DIP2C: variants seen among roughly 807,000 people sequenced by gnomAD.
DIP2C encodes DIP2 acetate--CoA ligase C (putative).
DIP2C carries 33 observed loss-of-function variants against 192.4 expected under a neutral mutation model. That is an observed-to-expected ratio of 0.17 (90% CI 0.13 to 0.23). The LOEUF (loss-of-function observed/expected upper bound fraction) is 0.23, where lower values mean the gene tolerates loss of function less well. DIP2C is among the 10% of genes least tolerant of loss of function. The probability of loss-of-function intolerance (pLI) is 1.00; values close to 1 mark genes in which losing one functional copy is unlikely to be tolerated. For synonymous variants in DIP2C, 979 were observed against 864.1 expected (o/e 1.13, Z -2.33); for missense variants, 1,537 against 2,110.1 (o/e 0.73, Z 5.32).
chr10:620,280 C>T (rs541444051), intron 1 of DIP2C, among the ~76,000 whole-genome samples: 10 of 152,286 alleles, frequency 6.6e-5, no homozygotes, highest in South Asian at 6.2e-4. Flanking sequence ...CTTCAAGCTA[C>T]AACTATCAAT....
At chr10:430,731 TAA>T (rs1384527456) in intron 4 of DIP2C, among the ~76,000 whole-genome samples, 1 of 152,250 alleles carries the variant, frequency 6.6e-6, no homozygotes, top group Non-Finnish European at 1.5e-5. Context: ...GTGTCATATC[TAA>T]AAACTTATCA....
intron 6 of DIP2C, among the ~76,000 whole-genome samples, chr10:416,670 G>C (rs1339925121): frequency 2.0e-5 from 3 of 152,160 alleles, no homozygotes; most frequent in African/African-American, 4.8e-5. Flanking sequence ...CAACTGGTTT[G>C]ATCAATGAAA....
At position 584,951 on chromosome 10, in the gene DIP2C, C is replaced by T. The variant is rs577878733; in HGVS notation, c.86-98421G>A. ...ACTCACGCGCATCACCTCTCAATCT[C>T]GGGGCCCGCGACCTGACCCCCACTC... On this transcript the variant is annotated intron_variant, in intron 1 of 36. Coordinates refer to ENST00000280886, the MANE Select transcript of DIP2C (RefSeq NM_014974.3). 4.6e-5 allele frequency among the ~76,000 whole-genome samples: 6 copies of T among 129,408 alleles called. No homozygotes were observed. The East Asian group carries it at 1.1e-3, about 23-fold the overall frequency. 84.9% of individuals were successfully genotyped at this position (129,408 alleles called of 152,430 possible).
chr10:435,517 G>C (rs973080494), intron 4 of DIP2C, among the ~76,000 whole-genome samples: 1 of 152,206 alleles, frequency 6.6e-6, no homozygotes, highest in African/African-American at 2.4e-5. Flanking sequence ...GTCAATTCCA[G>C]TTCAGGTTTT....
At chr10:533,911 ATT>A (rs1847553587) in intron 1 of DIP2C, among the ~76,000 whole-genome samples, 1 of 152,052 alleles carries the variant, frequency 6.6e-6, no homozygotes. Context: ...TACAGGAAGC[ATT>A]CTCTCCTGCA....
At chr10:286,421 C>A in intron 33 of DIP2C, 74 bp from the exon 34 acceptor site, 1 of 1,349,634 alleles carries the variant, frequency 7.4e-7, no homozygotes, top group Non-Finnish European at 1.1e-6. Flanking sequence ...CAACCTCAAT[C>A]TCATCTTTAT....
At chr10:476,841 A>G (rs1287186296) in intron 2 of DIP2C, among the ~76,000 whole-genome samples, 1 of 152,252 alleles carries the variant, frequency 6.6e-6, no homozygotes, top group African/African-American at 2.4e-5. Context: ...TTCAGATCCA[A>G]GAATGAATCT....
At chr10:647,616 G>A (rs1464012906) in intron 1 of DIP2C, among the ~76,000 whole-genome samples, 6 of 96,280 alleles carry the variant, frequency 6.2e-5, no homozygotes, top group African/African-American at 2.1e-4. Flanking sequence ...AGTCCACGTC[G>A]ACATTGGATG....
At chr10:554,962 G>A (rs551359242) in intron 1 of DIP2C, among the ~76,000 whole-genome samples, 2 of 152,252 alleles carry the variant, frequency 1.3e-5, no homozygotes, top group East Asian at 3.9e-4. Context: ...CAGAGTCTGG[G>A]CTTCACTTTT....
At chr10:506,415 C>T (rs11252842) in intron 1 of DIP2C, among the ~76,000 whole-genome samples, 15,543 of 152,178 alleles carry the variant, frequency 0.1, 911 homozygotes, top group East Asian at 0.18. Context: ...TGGGAAATCT[C>T]AGTGTGTGTA....
chr10:406,467 T>C (rs151298165), intron 9 of DIP2C, among the ~76,000 whole-genome samples: 3 of 152,342 alleles, frequency 2.0e-5, no homozygotes, highest in African/African-American at 7.2e-5. Context: ...AGGGATGTCA[T>C]GAAACCACTC....
intron 25 of DIP2C, among the ~76,000 whole-genome samples, chr10:348,967 C>T (rs1958655583): frequency 2.0e-5 from 3 of 152,196 alleles, no homozygotes; most frequent in Non-Finnish European, 2.9e-5. Context: ...GGTGACGAGG[C>T]AGCCTGGAGG....
intron 23 of DIP2C, among the ~76,000 whole-genome samples, chr10:357,409 G>A (rs1010261863): frequency 2.0e-5 from 3 of 152,218 alleles, no homozygotes; most frequent in African/African-American, 7.2e-5. Flanking sequence ...GGCTGGTGGG[G>A]AAACTAGAAA....
At chr10:372,068 C>T (rs2132805890) in intron 17 of DIP2C, among the ~76,000 whole-genome samples, 1 of 147,806 alleles carries the variant, frequency 6.8e-6, no homozygotes, top group South Asian at 2.2e-4. Flanking sequence ...ACAAAAACCC[C>T]CTTTCCTTTT....
intron 17 of DIP2C, among the ~76,000 whole-genome samples, chr10:373,685 G>T (rs956601553): frequency 1.1e-4 from 17 of 152,160 alleles, no homozygotes; most frequent in African/African-American, 4.1e-4. Context: ...AGGGCTTGTG[G>T]CTCTGGAATG....
intron 3 of DIP2C, among the ~76,000 whole-genome samples, chr10:455,244 A>C: frequency 6.6e-6 from 1 of 151,724 alleles, no homozygotes; most frequent in East Asian, 1.9e-4. Context: ...CAAATCAGGA[A>C]CAGTGAGTCC....
chr10:414,740 T>TGTG (rs1564679970), intron 7 of DIP2C, among the ~76,000 whole-genome samples: 1,447 of 44,644 alleles, frequency 0.032, 95 homozygotes, highest in Middle Eastern at 0.18. Context: ...TGTGTGTGTG[T>TGTG]ACATATATAT....
At chr10:469,009 G>A (rs1970426022) in intron 3 of DIP2C, among the ~76,000 whole-genome samples, 1 of 151,922 alleles carries the variant, frequency 6.6e-6, no homozygotes, top group African/African-American at 2.4e-5. Flanking sequence ...ATCTGTGCAG[G>A]TGCATGAGCT....
At chr10:615,356 C>T (rs1350768482) in intron 1 of DIP2C, among the ~76,000 whole-genome samples, 2 of 152,158 alleles carry the variant, frequency 1.3e-5, no homozygotes, top group Admixed American at 1.3e-4. Flanking sequence ...CCTGGAAACT[C>T]GCAGCCACCC....
Sources: allele counts gnomAD v4.1 joint callset (sites outside exome capture counted in the v4.1 genomes callset), GRCh38; gene constraint gnomAD v4.1.1; transcripts MANE v1.5; gene names NCBI Gene and HGNC (gene_info 2026-07-23, HGNC 2026-07-21).